TMEM117: variants seen among roughly 807,000 people sequenced by gnomAD.
The protein encoded by TMEM117 is transmembrane protein 117.
Under a neutral mutation model 52.4 loss-of-function variants are expected in TMEM117, and 27 were observed. That is an observed-to-expected ratio of 0.51 (90% CI 0.38 to 0.71). The LOEUF is 0.71. Among genes scored for constraint, TMEM117 ranks in the 30% least tolerant of loss-of-function variants. TMEM117 has a pLI of 0.00. For missense variants in TMEM117, 556 were observed against 630.5 expected, an observed-to-expected ratio of 0.88 and a Z score of 1.26; for synonymous variants, 215 against 206.3, an observed-to-expected ratio of 1.04 and a Z score of -0.36.
intron 6 of TMEM117, among the ~76,000 whole-genome samples, chr12:44,314,295 T>A (rs1319026400): frequency 6.6e-6 from 1 of 152,156 alleles, no homozygotes; most frequent in Non-Finnish European, 1.5e-5. Flanking sequence ...TGTTGAGGTT[T>A]TATAATGAAG....
At chr12:43,827,675 T>G in the TMEM117 span, among the ~76,000 whole-genome samples, 1 of 152,176 alleles carries the variant, frequency 6.6e-6, no homozygotes, top group Non-Finnish European at 1.5e-5. Context: ...AATTATGACA[T>G]ATAGATGAGG....
rs185059572 is a variant in TMEM117 at position 44,019,837 on chromosome 12, A to G, written c.410+75495A>G. On this transcript the variant is annotated intron_variant, in intron 3 of 7. Coordinates refer to ENST00000266534, the MANE Select transcript of TMEM117 (RefSeq NM_032256.3). ...TTCTAATAAAGGCTCTATGAACGTG[A>G]GTAATGAATCCCCCCAAACTTCTTT... is the stretch of plus-strand genomic sequence containing the variant. 3.5e-4 allele frequency among the ~76,000 whole-genome samples: 53 copies of G among 152,320 alleles called. 2 individuals carry two copies. Among genetic ancestry groups the G allele is most frequent in the African/African-American group, 1.2e-3 (49 of 41,568 alleles).
At chr12:44,249,337 A>G (rs1237755129) in intron 5 of TMEM117, among the ~76,000 whole-genome samples, 1 of 152,216 alleles carries the variant, frequency 6.6e-6, no homozygotes, top group Admixed American at 6.5e-5. Flanking sequence ...TACAACGGGT[A>G]AAATTCCAAA....
intron 4 of TMEM117, among the ~76,000 whole-genome samples, chr12:44,196,193 C>T (rs1034083164): frequency 6.6e-6 from 1 of 151,922 alleles, no homozygotes; most frequent in Non-Finnish European, 1.5e-5. Context: ...AAGATGTAAG[C>T]ATTAAGCATT....
Position 44,237,085 on chromosome 12 carries a change from C to G in TMEM117, c.608+25698C>G, listed in dbSNP as rs538558580. Reference sequence around the variant, plus strand: ...CAGTAATACCTCACTACCTTGTTAGCTCTTTGATGCTTTTAAAGAATATTC... The same window carrying G: ...CAGTAATACCTCACTACCTTGTTAGGTCTTTGATGCTTTTAAAGAATATTC... On this transcript the variant is annotated intron_variant, in intron 5 of 7. Transcript: ENST00000266534. Among the ~76,000 whole-genome samples the G allele has an allele frequency of 1.8e-4, 28 of 152,142 alleles. 1 individual carries two copies. Among genetic ancestry groups the G allele is most frequent in the Non-Finnish European group, 2.9e-5 (2 of 67,996 alleles).
intron 5 of TMEM117, among the ~76,000 whole-genome samples, chr12:44,221,705 T>C (rs1949790841): frequency 6.6e-6 from 1 of 152,050 alleles, no homozygotes; most frequent in African/African-American, 2.4e-5. Flanking sequence ...TCTCCCTCTT[T>C]CTTTTTTTTT....
At chr12:43,981,051 C>G (rs1323544013) in intron 3 of TMEM117, among the ~76,000 whole-genome samples, 4 of 152,132 alleles carry the variant, frequency 2.6e-5, no homozygotes, top group Non-Finnish European at 5.9e-5. Flanking sequence ...GTAAGAACAG[C>G]TGCCTTCAGC....
intron 2 of TMEM117, among the ~76,000 whole-genome samples, chr12:43,874,762 G>A (rs1197852524): frequency 6.6e-6 from 1 of 152,128 alleles, no homozygotes; most frequent in Non-Finnish European, 1.5e-5. Flanking sequence ...TGTCAGTATA[G>A]CACAGAATGA....
At chr12:44,164,966 A>G (rs953776687) in intron 4 of TMEM117, among the ~76,000 whole-genome samples, 17 of 152,178 alleles carry the variant, frequency 1.1e-4, no homozygotes, top group South Asian at 2.1e-4. Flanking sequence ...AATATACAAT[A>G]TATTGTTAAC....
intron 5 of TMEM117, among the ~76,000 whole-genome samples, chr12:44,286,392 C>A (rs372530227): frequency 6.6e-6 from 1 of 151,462 alleles, no homozygotes; most frequent in East Asian, 1.9e-4. Flanking sequence ...AGAAAAAAAT[C>A]GTCAAATTTT....
At chr12:43,915,837 C>T (rs1429571515) in intron 2 of TMEM117, among the ~76,000 whole-genome samples, 1 of 152,036 alleles carries the variant, frequency 6.6e-6, no homozygotes, top group Non-Finnish European at 1.5e-5. Flanking sequence ...GGTAAGGGAA[C>T]ACTTTTTTTA....
chr12:43,925,716 TC>T (rs1192751106), intron 2 of TMEM117, among the ~76,000 whole-genome samples: 1 of 152,178 alleles, frequency 6.6e-6, no homozygotes, highest in Non-Finnish European at 1.5e-5. Flanking sequence ...TGTTACCTTT[TC>T]TACCTATGAA....
At chr12:43,880,306 T>A (rs1206048344) in intron 2 of TMEM117, among the ~76,000 whole-genome samples, 1 of 152,202 alleles carries the variant, frequency 6.6e-6, no homozygotes, top group Non-Finnish European at 1.5e-5. Flanking sequence ...TATATACTGT[T>A]ATTTGAATAC....
At chr12:44,029,586 C>G (rs1175814794) in intron 3 of TMEM117, among the ~76,000 whole-genome samples, 1 of 152,282 alleles carries the variant, frequency 6.6e-6, no homozygotes, top group South Asian at 2.1e-4. Context: ...CTCGCTTTCC[C>G]CACTCTGCCA....
intron 3 of TMEM117, among the ~76,000 whole-genome samples, chr12:44,051,103 G>A (rs1363157867): frequency 1.3e-5 from 2 of 152,120 alleles, no homozygotes; most frequent in African/African-American, 4.8e-5. Flanking sequence ...TTCCAAGTGT[G>A]TTGCCAACTG....
At chr12:44,355,701 T>G (rs982159425) in intron 6 of TMEM117, among the ~76,000 whole-genome samples, 1 of 152,058 alleles carries the variant, frequency 6.6e-6, no homozygotes, top group Admixed American at 6.6e-5. Context: ...AAGCATCCTT[T>G]ACCAAATTTT....
At chr12:44,331,532 A>G (rs1185936667) in intron 6 of TMEM117, among the ~76,000 whole-genome samples, 1 of 152,080 alleles carries the variant, frequency 6.6e-6, no homozygotes, top group Admixed American at 6.6e-5. Context: ...AAGTGATAAG[A>G]TAAGGAACTG....
Position 43,920,263 on chromosome 12 carries a change from C to T in TMEM117, c.278-23947C>T, listed in dbSNP as rs1011925030. On this transcript the variant is annotated intron_variant, in intron 2 of 7. Coordinates refer to ENST00000266534, the MANE Select transcript of TMEM117 (RefSeq NM_032256.3). ...TTTGTTGGTCAGGCATGGTGGCTCA[C>T]GCCTATAATCCCAGCACTTTGGGAT... Among the ~76,000 whole-genome samples, 10 of 152,296 alleles carry T rather than the reference C, an allele frequency of 6.6e-5. 1 individual carries two copies. In the East Asian group the frequency reaches 9.7e-4, roughly 15 times the overall value.
chr12:44,299,847 C>T lies in TMEM117; in HGVS notation c.768+108C>T, dbSNP rs369427859. On this transcript the variant is annotated intron_variant, in intron 6 of 7. Transcript: ENST00000266534. Reference sequence around the variant, plus strand: ...TAAATCTAAATAAGTACAGCATTTACAGTTACTTTTGATGGGGCCTTCTCT... The same window carrying T: ...TAAATCTAAATAAGTACAGCATTTATAGTTACTTTTGATGGGGCCTTCTCT... 7.3e-6 allele frequency: 10 copies of T among 1,368,264 alleles called. No individual in the cohort carries two copies. In the African/African-American group the frequency reaches 1.0e-4, roughly 14 times the overall value. 84.8% of individuals were successfully genotyped at this position (1,368,264 alleles called of 1,614,324 possible).
Sources: allele counts gnomAD v4.1 joint callset (sites outside exome capture counted in the v4.1 genomes callset), GRCh38; gene constraint gnomAD v4.1.1; transcripts MANE v1.5; gene names NCBI Gene and HGNC (gene_info 2026-07-23, HGNC 2026-07-21).